GRM7: variants seen among roughly 807,000 people sequenced by gnomAD.
The protein encoded by GRM7 is glutamate metabotropic receptor 7, also known as metabotropic glutamate receptor 7.
GRM7 carries 35 observed loss-of-function variants against 84.5 expected under a neutral mutation model. That is an observed-to-expected ratio of 0.41 (90% confidence interval 0.32 to 0.55). The LOEUF (loss-of-function observed/expected upper bound fraction) is 0.55. Among genes scored for constraint, GRM7 ranks in the 20% least tolerant of loss-of-function variants. The probability of loss-of-function intolerance (pLI) is 0.19; values close to 1 mark genes in which losing one functional copy is unlikely to be tolerated. For synonymous variants in GRM7, 487 were observed against 455.1 expected, an observed-to-expected ratio of 1.07 and a Z score of -0.89; for missense variants, 1,003 against 1,194.6, an observed-to-expected ratio of 0.84 and a Z score of 2.36.
chr3:7,452,838 A>G, intron 6 of GRM7, 31 bp downstream of exon 6: 1 of 1,367,590 alleles, frequency 7.3e-7, no homozygotes, highest in South Asian at 1.2e-5. Context: ...CCTTTTTGGA[A>G]TCCTAAGTGT....
At chr3:7,627,053 A>T (rs543529163) in intron 8 of GRM7, among the ~76,000 whole-genome samples, 21 of 152,280 alleles carry the variant, frequency 1.4e-4, no homozygotes, top group East Asian at 9.7e-4. Context: ...AGCCATAATA[A>T]GGCTGTTGAG....
At chr3:7,092,700 G>C (rs1358920643) in intron 1 of GRM7, among the ~76,000 whole-genome samples, 1 of 152,080 alleles carries the variant, frequency 6.6e-6, no homozygotes, top group African/African-American at 2.4e-5. Flanking sequence ...TTTTGAGAAG[G>C]GGGAGGTCAT....
In GRM7 at chr3:7,359,111, C is replaced by CAA. The variant is rs35815945; in HGVS notation, c.1033+52474_1033+52475dup. Among the ~76,000 whole-genome samples the CAA allele has an allele frequency of 2.3e-3, 188 of 83,004 alleles. 8 individuals are homozygous for CAA. Among genetic ancestry groups the CAA allele is most frequent in the African/African-American group, 5.8e-3 (124 of 21,214 alleles). The allele number at this position is 83,004 out of a possible 152,430, so 54.5% of individuals were successfully genotyped here. ...TGAGTGATAGAGTGAGATTCCATCTCAAAAAAAAAAAAAAAAGAAAAAAAG... is the reference window on the plus strand; with the variant it reads ...TGAGTGATAGAGTGAGATTCCATCTCAAAAAAAAAAAAAAAAAAGAAAAAAAG... On this transcript the variant is annotated intron_variant, in intron 4 of 9. Transcript: ENST00000357716.
chr3:7,403,622 G>GATAGATAT (rs1288063097), intron 4 of GRM7, among the ~76,000 whole-genome samples: 1 of 126,952 alleles, frequency 7.9e-6, no homozygotes, highest in Non-Finnish European at 1.7e-5. Flanking sequence ...GAGTAATTCT[G>GATAGATAT]ATATATATAT....
intron 7 of GRM7, among the ~76,000 whole-genome samples, chr3:7,544,580 C>A (rs1260122623): frequency 6.6e-6 from 1 of 152,108 alleles, no homozygotes; most frequent in African/African-American, 2.4e-5. Flanking sequence ...TGCTGATATT[C>A]CAAGAATCCC....
chr3:6,935,514 C>T (rs890095057), intron 1 of GRM7, among the ~76,000 whole-genome samples: 1 of 151,750 alleles, frequency 6.6e-6, no homozygotes, highest in Admixed American at 6.6e-5. Context: ...TTTATTGCCC[C>T]TCAAGGTCTA....
intron 1 of GRM7, among the ~76,000 whole-genome samples, chr3:6,922,704 C>T (rs1411303135): frequency 1.3e-5 from 2 of 152,104 alleles, no homozygotes; most frequent in African/African-American, 2.4e-5. Context: ...TAGTATAAAT[C>T]ATTATTGAAA....
intron 4 of GRM7, among the ~76,000 whole-genome samples, chr3:7,363,733 G>A (rs967889687): frequency 6.6e-6 from 1 of 152,034 alleles, no homozygotes; most frequent in Non-Finnish European, 1.5e-5. Flanking sequence ...AATTGACCCT[G>A]TCAAATGATT....
chr3:7,303,925 T>C (rs1189457097), intron 3 of GRM7, among the ~76,000 whole-genome samples: 2 of 135,076 alleles, frequency 1.5e-5, no homozygotes, highest in Admixed American at 7.4e-5. Context: ...GAGCATATCC[T>C]GTAGCTTCTT....
At chr3:7,007,580 A>T (rs999263796) in intron 1 of GRM7, among the ~76,000 whole-genome samples, 2 of 152,178 alleles carry the variant, frequency 1.3e-5, no homozygotes, top group Non-Finnish European at 2.9e-5. Context: ...CAATGCCTGG[A>T]TGTAGCCTCA....
At chr3:7,377,458 A>C (rs1694400190) in intron 4 of GRM7, among the ~76,000 whole-genome samples, 1 of 152,222 alleles carries the variant, frequency 6.6e-6, no homozygotes, top group Non-Finnish European at 1.5e-5. Context: ...CAGCGTCTGG[A>C]ATCAATAGTG....
At chr3:7,232,438 T>C (rs1026085642) in intron 2 of GRM7, among the ~76,000 whole-genome samples, 5 of 152,146 alleles carry the variant, frequency 3.3e-5, no homozygotes, top group African/African-American at 1.2e-4. Context: ...AAGGCTCCCT[T>C]GTGGATCAGA....
chr3:7,158,343 C>T (rs1694518979), intron 2 of GRM7, among the ~76,000 whole-genome samples: 1 of 152,052 alleles, frequency 6.6e-6, no homozygotes, highest in African/African-American at 2.4e-5. Context: ...TTTTATTTTT[C>T]CTGGACAAGC....
chr3:7,666,759 C>T (rs1286125799), intron 8 of GRM7, among the ~76,000 whole-genome samples: 1 of 151,758 alleles, frequency 6.6e-6, no homozygotes, highest in Non-Finnish European at 1.5e-5. Context: ...ATTATTATTA[C>T]TTCTTATTAC....
At chr3:7,117,271 C>T (rs1299927916) in intron 1 of GRM7, among the ~76,000 whole-genome samples, 1 of 152,104 alleles carries the variant, frequency 6.6e-6, no homozygotes, top group East Asian at 1.9e-4. Context: ...AAAAAAAGTC[C>T]AATTCAAGAT....
rs116091854 is a variant in GRM7 at position 7,046,458 on chromosome 3, T to C, written c.520-99994T>C. On this transcript the variant is annotated intron_variant, in intron 1 of 9. Coordinates refer to ENST00000357716, the MANE Select transcript of GRM7 (RefSeq NM_000844.4). ...AAAGTTGTTAGCACTTTGCTTGCAA[T>C]TGAATGTTAATATAGTGGGACAATG... 4.4e-3 allele frequency among the ~76,000 whole-genome samples: 673 copies of C among 152,248 alleles called. 6 individuals carry two copies. Among genetic ancestry groups the C allele is most frequent in the African/African-American group, 0.015 (637 of 41,572 alleles).
At chr3:6,992,483 G>A (rs1188086393) in intron 1 of GRM7, among the ~76,000 whole-genome samples, 1 of 152,150 alleles carries the variant, frequency 6.6e-6, no homozygotes, top group Non-Finnish European at 1.5e-5. Context: ...CTGCCTGCAG[G>A]GAACAGAATC....
chr3:7,632,159 G>A (rs999049722), intron 8 of GRM7, among the ~76,000 whole-genome samples: 3 of 152,096 alleles, frequency 2.0e-5, no homozygotes, highest in African/African-American at 4.8e-5. Flanking sequence ...TATCATGCAG[G>A]GCCTTAGAAA....
At chr3:7,417,485 A>G (rs1696214953) in intron 5 of GRM7, among the ~76,000 whole-genome samples, 1 of 152,130 alleles carries the variant, frequency 6.6e-6, no homozygotes, top group African/African-American at 2.4e-5. Context: ...TTCAATTTGG[A>G]AGTGAAGAAT....
Sources: allele counts gnomAD v4.1 joint callset (sites outside exome capture counted in the v4.1 genomes callset), GRCh38; gene constraint gnomAD v4.1.1; transcripts MANE v1.5; gene names NCBI Gene and HGNC (gene_info 2026-07-23, HGNC 2026-07-21).